Variants in UBXN8 observed in about 807,000 individuals in gnomAD.
The protein encoded by UBXN8 is UBX domain-containing protein 8.
Under a neutral mutation model 32.1 loss-of-function variants are expected in UBXN8, and 27 were observed. That is an observed-to-expected ratio of 0.84 (90% CI 0.62 to 1.16). The LOEUF (loss-of-function observed/expected upper bound fraction) is 1.16. Ranked by LOEUF, UBXN8 falls within the 50% of genes most tolerant of loss-of-function variation. The pLI is 0.00. For missense variants in UBXN8, 306 were observed against 311.4 expected (o/e 0.98, Z 0.13); for synonymous variants, 109 against 111.8 (o/e 0.98, Z 0.16).
intron 1 of UBXN8, among the ~76,000 whole-genome samples, chr8:30,746,040 C>T (rs552758517): frequency 2.4e-4 from 37 of 152,312 alleles, no homozygotes; most frequent in African/African-American, 8.7e-4. Context: ...TGTGAGCCAC[C>T]GTGCCCAGCC....
intron 6 of UBXN8, among the ~76,000 whole-genome samples, 188 bp downstream of exon 6, chr8:30,761,117 C>T (rs1037216695): frequency 3.9e-5 from 6 of 152,100 alleles, no homozygotes; most frequent in Non-Finnish European, 5.9e-5. Flanking sequence ...CTAGGCTGGC[C>T]TTGAACTCCT....
intron 4 of UBXN8, among the ~76,000 whole-genome samples, chr8:30,755,624 T>C (rs1302848485): frequency 2.6e-5 from 4 of 151,528 alleles, no homozygotes; most frequent in Non-Finnish European, 4.4e-5. Flanking sequence ...GACGTGGTAG[T>C]GTGTGGCTGT....
chr8:30,732,541 C>G, upstream of UBXN8: 1 of 318,214 alleles, frequency 3.1e-6, no homozygotes, highest in Non-Finnish European at 5.7e-6. Flanking sequence ...TTAGCTAAGC[C>G]TTTGTATGAG....
chr8:30,762,884 T>A (rs1378437877), intron 6 of UBXN8, among the ~76,000 whole-genome samples: 1 of 152,186 alleles, frequency 6.6e-6, no homozygotes, highest in Non-Finnish European at 1.5e-5. Context: ...GTCTTTTTTT[T>A]TTTTAAACAG....
intron 6 of UBXN8, among the ~76,000 whole-genome samples, chr8:30,762,636 G>A (rs1372078038): frequency 7.2e-5 from 11 of 151,752 alleles, no homozygotes; most frequent in Non-Finnish European, 1.2e-4. Flanking sequence ...CAAGTGATCC[G>A]CCCACCTTGG....
intron 6 of UBXN8, 133 bp downstream of exon 6, chr8:30,761,062 A>T (rs982320156): frequency 1.9e-5 from 12 of 625,202 alleles, no homozygotes; most frequent in African/African-American, 3.8e-5. Flanking sequence ...TTATACTGTA[A>T]CTAGGTCTTT....
chr8:30,758,416 A>G (rs1394166274), intron 5 of UBXN8, among the ~76,000 whole-genome samples: 1 of 152,214 alleles, frequency 6.6e-6, no homozygotes, highest in Non-Finnish European at 1.5e-5. Flanking sequence ...TTTATTATAC[A>G]TGTTGTTCAT....
At chr8:30,747,899 T>C (rs1422178431) in intron 1 of UBXN8, among the ~76,000 whole-genome samples, 4 of 112,884 alleles carry the variant, frequency 3.5e-5, no homozygotes, top group South Asian at 3.1e-4. Flanking sequence ...TTTTTCTTTT[T>C]TTTTTTTTTT....
intron 4 of UBXN8, among the ~76,000 whole-genome samples, chr8:30,755,576 G>T (rs1185160762): frequency 8.3e-6 from 1 of 120,338 alleles, no homozygotes; most frequent in African/African-American, 3.1e-5. Flanking sequence ...AACATAGGAA[G>T]ACCCTGTCTC....
intron 1 of UBXN8, among the ~76,000 whole-genome samples, chr8:30,750,705 A>G (rs1259022374): frequency 1.3e-5 from 2 of 150,868 alleles, no homozygotes; most frequent in Admixed American, 6.6e-5. Context: ...CCTGGGAGGC[A>G]GAGCTTGCAG....
intron 1 of UBXN8, among the ~76,000 whole-genome samples, chr8:30,746,003 G>A (rs984123580): frequency 2.0e-5 from 3 of 152,118 alleles, no homozygotes; most frequent in Non-Finnish European, 2.9e-5. Context: ...CACCCACTTC[G>A]GCCACCCAGA....
upstream of UBXN8, among the ~76,000 whole-genome samples, chr8:30,739,591 T>G (rs1379993664): frequency 6.6e-6 from 1 of 152,020 alleles, no homozygotes; most frequent in Non-Finnish European, 1.5e-5. Context: ...CACAAATGAG[T>G]ATCTGTAACT....
intron 1 of UBXN8, among the ~76,000 whole-genome samples, chr8:30,738,111 A>T (rs1805107192): frequency 6.6e-6 from 1 of 151,750 alleles, no homozygotes; most frequent in Non-Finnish European, 1.5e-5. Flanking sequence ...AAAAAAAAAA[A>T]ATAGGAGAAT....
chr8:30,747,160 AAAAC>A (rs1805382933), intron 1 of UBXN8, among the ~76,000 whole-genome samples: 1 of 140,250 alleles, frequency 7.1e-6, no homozygotes, highest in Non-Finnish European at 1.5e-5. Context: ...TCTCAAAACA[AAAAC>A]AAAAACGAAA....
intron 7 of UBXN8, among the ~76,000 whole-genome samples, chr8:30,764,435 G>T (rs1313835408): frequency 6.6e-6 from 1 of 152,154 alleles, no homozygotes; most frequent in East Asian, 1.9e-4. Context: ...CTACCCAAGT[G>T]TTGGGATTAC....
At chr8:30,758,287 A>G (rs913071753) in intron 5 of UBXN8, among the ~76,000 whole-genome samples, 1 of 152,208 alleles carries the variant, frequency 6.6e-6, no homozygotes, top group Non-Finnish European at 1.5e-5. Flanking sequence ...ACTTAAGAAC[A>G]TTATCAAGCC....
At chr8:30,759,531 A>T (rs982663539) in intron 5 of UBXN8, among the ~76,000 whole-genome samples, 1 of 151,876 alleles carries the variant, frequency 6.6e-6, no homozygotes, top group Non-Finnish European at 1.5e-5. Flanking sequence ...CACCACACCC[A>T]GCCCAATATC....
intron 3 of UBXN8, among the ~76,000 whole-genome samples, chr8:30,753,549 G>T (rs1805569552): frequency 6.6e-6 from 1 of 152,044 alleles, no homozygotes; most frequent in South Asian, 2.1e-4. Context: ...GAGCCACCAT[G>T]CCCAGCCAAA....
In UBXN8 at chr8:30,753,105, G is replaced by A; in HGVS notation, c.282G>A (p.Lys94=). The change falls in exon 3 of 8, where the codon AAG becomes AAA. Residue 94 remains lysine (K), a splice_region_variant and synonymous_variant. Transcript: ENST00000265616. ...AACAACAAGAAGCACAAGGAGAGAAGGTAAGGCAGAATTTTTAGAGACTTT... is the reference window on the plus strand; with the variant it reads ...AACAACAAGAAGCACAAGGAGAGAAAGTAAGGCAGAATTTTTAGAGACTTT... The part of the protein sequence containing the change: ...RKKQQEAQGE[K]ASRYIENVLK... The A allele has an allele frequency of 1.3e-6, 2 of 1,509,742 alleles. No homozygotes were observed. Among genetic ancestry groups the A allele is most frequent in the Admixed American group, 2.4e-5 (1 of 41,664 alleles). The allele number at this position is 1,509,742 out of a possible 1,614,324, so 93.5% of individuals were successfully genotyped here.
Sources: allele counts gnomAD v4.1 joint callset (sites outside exome capture counted in the v4.1 genomes callset), GRCh38; gene constraint gnomAD v4.1.1; transcripts MANE v1.5; gene names NCBI Gene and HGNC (gene_info 2026-07-23, HGNC 2026-07-21).